Variants in SH3D19 observed in about 807,000 individuals in gnomAD.
SH3D19 encodes the protein SH3 domain containing 19.
A neutral mutation model predicts 112.1 loss-of-function variants in SH3D19; 58 were observed. That is an observed-to-expected ratio of 0.52 (90% confidence interval 0.42 to 0.64). The LOEUF is 0.64. Among genes scored for constraint, SH3D19 ranks in the 30% least tolerant of loss-of-function variants. The pLI, the probability that SH3D19 is intolerant of heterozygous loss-of-function variation, is 0.00. For missense variants in SH3D19, 1,090 were observed against 1,263.4 expected, an observed-to-expected ratio of 0.86 and a Z score of 2.08; for synonymous variants, 391 against 448.5, an observed-to-expected ratio of 0.87 and a Z score of 1.62.
At chr4:151,225,904 A>G (rs559974835) in intron 2 of SH3D19, 143 bp downstream of exon 2, 120 of 474,284 alleles carry the variant, frequency 2.5e-4, no homozygotes, top group Non-Finnish European at 3.7e-4. Flanking sequence ...AGAATGAATA[A>G]GATTTCCCTT....
intron 1 of SH3D19, among the ~76,000 whole-genome samples, chr4:151,237,046 C>T (rs912646052): frequency 1.4e-4 from 21 of 152,308 alleles, no homozygotes; most frequent in African/African-American, 4.6e-4. Flanking sequence ...TCACTCTTCA[C>T]GATAAACCTT....
intron 1 of SH3D19, among the ~76,000 whole-genome samples, chr4:151,275,861 T>TTTTTTTTTG (rs201239876): frequency 3.0e-5 from 4 of 132,380 alleles, no homozygotes; most frequent in African/African-American, 5.4e-5. Flanking sequence ...TTTTTTTTTT[T>TTTTTTTTTG]AGACGGAGTC....
chr4:151,138,265 C>T (rs895396245), intron 13 of SH3D19, among the ~76,000 whole-genome samples: 2 of 152,078 alleles, frequency 1.3e-5, no homozygotes, highest in African/African-American at 2.4e-5. Flanking sequence ...TAAGGGAGTA[C>T]TACAACTCTT....
chr4:151,125,008 G>T (rs1319659042), intron 19 of SH3D19, among the ~76,000 whole-genome samples: 2 of 152,100 alleles, frequency 1.3e-5, no homozygotes, highest in Admixed American at 6.6e-5. Context: ...AAGATAAACG[G>T]GATACATTTT....
intron 1 of SH3D19, among the ~76,000 whole-genome samples, chr4:151,319,609 T>C (rs1051318019): frequency 6.6e-6 from 1 of 152,154 alleles, no homozygotes; most frequent in Non-Finnish European, 1.5e-5. Context: ...CTCTACAACT[T>C]GCAACACACA....
At chr4:151,197,141 C>T (rs78683913) in intron 2 of SH3D19, among the ~76,000 whole-genome samples, 4,464 of 152,162 alleles carry the variant, frequency 0.029, 100 homozygotes, top group African/African-American at 0.049. Flanking sequence ...AATCCCACTC[C>T]TGGGTATCTA....
chr4:151,125,490 AC>A lies in SH3D19; in HGVS notation c.3027+2127del, dbSNP rs746883385. Reference sequence around the variant, plus strand: ...CAGAAACAAAACAAAACAAAACAAAACCAAAAAAAAAAAAAAAGAAAGAAAG... The same window carrying A: ...CAGAAACAAAACAAAACAAAACAAAACAAAAAAAAAAAAAAAGAAAGAAAG... On this transcript the variant is annotated intron_variant, in intron 19 of 19. Coordinates refer to ENST00000604030, the MANE Select transcript of SH3D19 (RefSeq NM_001378122.1). Among the ~76,000 whole-genome samples, 384 of 63,596 alleles carry A rather than the reference AC, an allele frequency of 6.0e-3. 12 individuals carry two copies. In the East Asian group the frequency reaches 0.18, roughly 29 times the overall value. The allele number at this position is 63,596 out of a possible 152,430, so 41.7% of individuals were successfully genotyped here.
intron 1 of SH3D19, among the ~76,000 whole-genome samples, chr4:151,288,052 A>AAC (rs1554067469): frequency 6.6e-6 from 1 of 151,864 alleles, no homozygotes; most frequent in African/African-American, 2.4e-5. Flanking sequence ...TATGGAAAAA[A>AAC]ATTTGACAAA....
At chr4:151,313,579 C>T (rs1729705355) in intron 1 of SH3D19, among the ~76,000 whole-genome samples, 1 of 152,018 alleles carries the variant, frequency 6.6e-6, no homozygotes, top group Non-Finnish European at 1.5e-5. Context: ...ACTGCGCCCA[C>T]CTAACGTATT....
At chr4:151,236,939 T>C (rs867986633) in intron 1 of SH3D19, among the ~76,000 whole-genome samples, 2 of 152,178 alleles carry the variant, frequency 1.3e-5, no homozygotes, top group Admixed American at 6.5e-5. Context: ...ATCAGCAGCA[T>C]GTGGGTGGGG....
chr4:151,229,840 G>A (rs151009807), intron 1 of SH3D19, among the ~76,000 whole-genome samples: 65 of 152,266 alleles, frequency 4.3e-4, no homozygotes, highest in East Asian at 3.1e-3. Flanking sequence ...ACTTGAGCTC[G>A]GGAGATGAAG....
At chr4:151,247,216 T>C (rs1771007887) in intron 1 of SH3D19, among the ~76,000 whole-genome samples, 1 of 152,242 alleles carries the variant, frequency 6.6e-6, no homozygotes, top group Admixed American at 6.5e-5. Context: ...AGGAGAAATA[T>C]ATTTTCTGTG....
At chr4:151,228,129 C>T (rs1253996953) in intron 1 of SH3D19, 3 of 730,514 alleles carry the variant, frequency 4.1e-6, no homozygotes, top group Non-Finnish European at 5.0e-6. Context: ...TAGCACTTTT[C>T]TATTGAACCA....
chr4:151,132,226 T>A (rs889286722), intron 17 of SH3D19, 105 bp downstream of exon 17: 1 of 880,452 alleles, frequency 1.1e-6, no homozygotes, highest in African/African-American at 1.7e-5. Flanking sequence ...GTTGTATGAA[T>A]TGAAAAATTA....
intron 15 of SH3D19, 103 bp from the exon 16 acceptor site, chr4:151,133,339 T>C: frequency 4.3e-6 from 4 of 931,110 alleles, no homozygotes; most frequent in South Asian, 1.6e-5. Context: ...GGGTTTACCA[T>C]GGAATAAGGT....
At chr4:151,230,208 C>T (rs376387408) in intron 1 of SH3D19, among the ~76,000 whole-genome samples, 42 of 152,300 alleles carry the variant, frequency 2.8e-4, no homozygotes, top group African/African-American at 9.9e-4. Flanking sequence ...TAGAAATGGG[C>T]CCCTGTTCTG....
chr4:151,287,712 T>G (rs756156059), intron 1 of SH3D19, among the ~76,000 whole-genome samples: 1 of 152,048 alleles, frequency 6.6e-6, no homozygotes, highest in Non-Finnish European at 1.5e-5. Flanking sequence ...CTGGGCAACA[T>G]AGTGAGACCT....
intron 1 of SH3D19, among the ~76,000 whole-genome samples, chr4:151,257,871 T>C (rs1327482638): frequency 6.6e-6 from 1 of 152,138 alleles, no homozygotes; most frequent in African/African-American, 2.4e-5. Flanking sequence ...ATCATGCCAC[T>C]GTACTTCTAG....
At position 151,175,246 on chromosome 4, in the gene SH3D19, G is replaced by T. The variant is rs149484381; in HGVS notation, c.958C>A (p.Arg320Ser). The change falls in exon 7 of 20, where the codon CGT (arginine) becomes AGT (serine). Residue 320 changes from arginine (R) to serine (S), a missense_variant. Transcript: ENST00000604030. Reference protein sequence around the residue: ...GLPKKPEITPRSLPPKPTVSS... With the variant: ...GLPKKPEITPSSLPPKPTVSS... ...ACAGTAGGCTTTGGAGGAAGTGAACGTGGAGTAATTTCTGGTTTCTTGGGC... is the reference window on the plus strand; with the variant it reads ...ACAGTAGGCTTTGGAGGAAGTGAACTTGGAGTAATTTCTGGTTTCTTGGGC... The T allele has an allele frequency of 2.5e-6, 4 of 1,614,212 alleles. No homozygotes were observed. In the Admixed American group the frequency reaches 6.7e-5, roughly 27 times the overall value.
Sources: gnomAD v4.1 joint callset for allele counts (sites outside exome capture counted in the v4.1 genomes callset) on GRCh38, gnomAD v4.1.1 for gene constraint, MANE v1.5 for transcripts, NCBI Gene and HGNC (gene_info 2026-07-23, HGNC 2026-07-21) for gene names.